The following TRIM2 variants were observed in gnomAD, a reference collection of about 807,000 sequenced individuals.
The protein encoded by TRIM2 is tripartite motif containing 2.
Under a neutral mutation model 75.2 loss-of-function variants are expected in TRIM2, and 20 were observed. The observed-to-expected ratio is 0.27, with a 90% CI of 0.19 to 0.39. The LOEUF is 0.39. Ranked by LOEUF, TRIM2 falls within the 10% of genes least tolerant of loss-of-function variation. TRIM2 has a pLI of 1.00. For missense variants in TRIM2, 660 were observed against 990.8 expected, an observed-to-expected ratio of 0.67 and a Z score of 4.48; for synonymous variants, 373 against 388.3, an observed-to-expected ratio of 0.96 and a Z score of 0.46.
chr4:153,189,145 C>G (rs1014054294), intron 1 of TRIM2, among the ~76,000 whole-genome samples: 3 of 152,200 alleles, frequency 2.0e-5, no homozygotes, highest in Non-Finnish European at 4.4e-5. Context: ...GTCACCGCAC[C>G]GGCCTGGAGA....
At chr4:153,214,708 T>C (rs1267309116) in intron 1 of TRIM2, among the ~76,000 whole-genome samples, 1 of 152,194 alleles carries the variant, frequency 6.6e-6, no homozygotes, top group African/African-American at 2.4e-5. Context: ...TGATAAGAAG[T>C]ACCAAGAGGT....
intron 1 of TRIM2, among the ~76,000 whole-genome samples, chr4:153,244,319 C>CTCTTCTTCTTCTTCTTCT (rs1311888983): frequency 4.7e-5 from 1 of 21,138 alleles, no homozygotes; most frequent in African/African-American, 2.2e-4. Context: ...CCTCCTCCTC[C>CTCTTCTTCTTCTTCTTCT]TCTTCTTCTT....
chr4:153,322,756 C>T lies in TRIM2; in HGVS notation c.1891C>T (p.Pro631Ser). The T allele has an allele frequency of 3.1e-6, 5 of 1,614,196 alleles. No individual in the cohort carries two copies. Among genetic ancestry groups the T allele is most frequent in the Non-Finnish European group, 4.2e-6 (5 of 1,180,034 alleles). The change falls in exon 9 of 12, where the codon CCA (proline) becomes TCA (serine). Residue 631 changes from proline to serine, a missense_variant. Physicochemically the swap from Pro to Ser is moderately conservative, Grantham distance 74. Transcript: ENST00000338700. Reference sequence around the variant, plus strand: ...GGCGTGCTGCGTGTTTATCTTCCAGCCAAACGGGAAAATAGTCACCAGGTT... The same window carrying T: ...GGCGTGCTGCGTGTTTATCTTCCAGTCAAACGGGAAAATAGTCACCAGGTT... Reference protein sequence around the residue: ...NKACCVFIFQPNGKIVTRFGS... With the variant: ...NKACCVFIFQSNGKIVTRFGS...
intron 3 of TRIM2, among the ~76,000 whole-genome samples, chr4:153,288,388 G>T (rs1035178799): frequency 2.0e-4 from 30 of 152,134 alleles, no homozygotes; most frequent in African/African-American, 6.5e-4. Context: ...AGTGAGCCAA[G>T]ATTGAGCCAC....
chr4:153,254,905 C>G (rs974143790), intron 1 of TRIM2, among the ~76,000 whole-genome samples: 4 of 152,166 alleles, frequency 2.6e-5, no homozygotes, highest in Middle Eastern at 3.2e-3. Context: ...CAGATATCAC[C>G]TGCATTTGTT....
In TRIM2 at chr4:153,244,366, C is replaced by CCTG. The variant is rs1748154298; in HGVS notation, c.31-25969_31-25968insCTG. 6.9e-5 allele frequency among the ~76,000 whole-genome samples: 3 copies of CCTG among 43,402 alleles called. No homozygotes were observed. The South Asian group carries it at 2.7e-3, about 39-fold the overall frequency. The allele number at this position is 43,402 out of a possible 152,430, so 28.5% of individuals were successfully genotyped here. On this transcript the variant is annotated intron_variant, in intron 1 of 11. Transcript: ENST00000338700. Reference sequence around the variant, plus strand: ...TCTTCTTCTTCTTCCTCTTCTTCTTCTTCTTCTTCTTCTTCTTCTTCTTCT... The same window carrying CCTG: ...TCTTCTTCTTCTTCCTCTTCTTCTTCCTGTTCTTCTTCTTCTTCTTCTTCTTCT...
At chr4:153,314,614 G>A (rs1198751173) in intron 6 of TRIM2, among the ~76,000 whole-genome samples, 2 of 150,752 alleles carry the variant, frequency 1.3e-5, no homozygotes, top group African/African-American at 4.9e-5. Flanking sequence ...AAAGAATCTA[G>A]TATGGGTGGA....
intron 9 of TRIM2, among the ~76,000 whole-genome samples, chr4:153,323,125 A>G (rs1364064354): frequency 6.6e-6 from 1 of 152,238 alleles, no homozygotes; most frequent in Non-Finnish European, 1.5e-5. Context: ...TATTTGAAAA[A>G]CAAGGAATAA....
chr4:153,337,911 C>T lies in TRIM2; in HGVS notation c.*2945C>T. On this transcript the variant is annotated 3_prime_UTR_variant, in exon 12 of 12. Transcript: ENST00000338700. ...CTCCCAGTACAGACCCCCCAGCCCC[C>T]CTTGCTGGACATGGGGAGGCAGAGA... is the stretch of plus-strand genomic sequence containing the variant. 3.0e-6 allele frequency: 3 copies of T among 985,770 alleles called. No homozygotes were observed. In the African/African-American group the frequency reaches 5.2e-5, roughly 17 times the overall value. The allele number at this position is 985,770 out of a possible 1,614,324, so 61.1% of individuals were successfully genotyped here. A position where few individuals can be genotyped will look rare whatever the true frequency, so the allele number is the denominator to read the frequency against.
chr4:153,254,919 C>T (rs1349073876), intron 1 of TRIM2, among the ~76,000 whole-genome samples: 1 of 152,178 alleles, frequency 6.6e-6, no homozygotes, highest in Non-Finnish European at 1.5e-5. Context: ...ATTTGTTCCA[C>T]CTTTACCCCA....
Position 153,186,519 on chromosome 4 carries a change from C to A in TRIM2, c.-49+33249C>A, listed in dbSNP as rs371145627. Among the ~76,000 whole-genome samples, 36 of 152,322 alleles carry A rather than the reference C, an allele frequency of 2.4e-4. 2 individuals are homozygous for A. Among genetic ancestry groups the A allele is most frequent in the Admixed American group, 1.4e-3 (22 of 15,296 alleles). ...GGAGCTGTACAAGGAGCTGAAAGGG[C>A]CTCGTTCTAGTGCTTTGTCTCTAAG... is the stretch of plus-strand genomic sequence containing the variant. On this transcript the variant is annotated intron_variant, in intron 1 of 11. Coordinates refer to the TRIM2 transcript ENST00000437508.
At position 153,286,835 on chromosome 4, in the gene TRIM2, C is replaced by A. The variant is rs371654835; in HGVS notation, c.454-6147C>A. On this transcript the variant is annotated intron_variant, in intron 3 of 11. Coordinates refer to ENST00000338700, the MANE Select transcript of TRIM2 (RefSeq NM_015271.5). Reference sequence around the variant, plus strand: ...TAAAGTTTTATCAATTTTATAATATCCTTTCTGTCAATTATATACTATCCA... The same window carrying A: ...TAAAGTTTTATCAATTTTATAATATACTTTCTGTCAATTATATACTATCCA... Among the ~76,000 whole-genome samples the A allele has an allele frequency of 3.3e-4, 48 of 144,002 alleles. No homozygotes were observed. In the East Asian group the frequency reaches 0.01, roughly 30 times the overall value. The allele number at this position is 144,002 out of a possible 152,430, so 94.5% of individuals were successfully genotyped here. A position where few individuals can be genotyped will look rare whatever the true frequency, so the allele number is the denominator to read the frequency against.
upstream of TRIM2, among the ~76,000 whole-genome samples, chr4:153,199,550 C>T (rs560580148): frequency 5.0e-4 from 76 of 152,132 alleles, no homozygotes; most frequent in Admixed American, 1.2e-3. Flanking sequence ...CACTTTTTGA[C>T]ATTTAAAATG....
chr4:153,205,207 A>G (rs1660323044), intron 1 of TRIM2, among the ~76,000 whole-genome samples: 1 of 152,190 alleles, frequency 6.6e-6, no homozygotes, highest in South Asian at 2.1e-4. Flanking sequence ...AGAAGTCAGC[A>G]GAGCCTGGGG....
At chr4:153,321,377 A>T (rs377066861) in intron 8 of TRIM2, among the ~76,000 whole-genome samples, 6 of 152,366 alleles carry the variant, frequency 3.9e-5, no homozygotes, top group East Asian at 1.9e-4. Flanking sequence ...TACGTAGTCT[A>T]GAAAATTAAG....
intron 10 of TRIM2, among the ~76,000 whole-genome samples, chr4:153,326,466 A>G (rs909177720): frequency 6.6e-6 from 1 of 152,212 alleles, no homozygotes; most frequent in Non-Finnish European, 1.5e-5. Context: ...GCAGTTAGCA[A>G]TAGTTCTGAA....
chr4:153,313,857 G>A (rs112671446), intron 6 of TRIM2, among the ~76,000 whole-genome samples: 1,824 of 151,096 alleles, frequency 0.012, 56 homozygotes, highest in African/African-American at 0.042. Flanking sequence ...GGCTGGTCTC[G>A]AACTCCTGAC....
intron 3 of TRIM2, among the ~76,000 whole-genome samples, chr4:153,278,136 C>A (rs934057525): frequency 6.6e-6 from 1 of 152,122 alleles, no homozygotes; most frequent in Non-Finnish European, 1.5e-5. Context: ...GACAGAGTCT[C>A]AATCTGTCAT....
intron 1 of TRIM2, among the ~76,000 whole-genome samples, chr4:153,212,932 A>G (rs1303261878): frequency 6.6e-6 from 1 of 152,146 alleles, no homozygotes; most frequent in African/African-American, 2.4e-5. Context: ...TTGTCTATTC[A>G]TACAAAGGGA....
Sources: gnomAD v4.1 joint callset for allele counts (sites outside exome capture counted in the v4.1 genomes callset) on GRCh38, gnomAD v4.1.1 for gene constraint, MANE v1.5 for transcripts, NCBI Gene and HGNC (gene_info 2026-07-23, HGNC 2026-07-21) for gene names.